The following FNIP1 variants were observed in gnomAD, a reference collection of about 807,000 sequenced individuals.
FNIP1 encodes folliculin interacting protein 1, also known as folliculin-interacting protein 1.
A neutral mutation model predicts 124.5 loss-of-function variants in FNIP1; 40 were observed. That is an observed-to-expected ratio of 0.32 (90% confidence interval 0.25 to 0.42). The LOEUF is 0.42. FNIP1 is among the 10% of genes least tolerant of loss of function. The probability of loss-of-function intolerance (pLI) is 1.00; values close to 1 mark genes in which losing one functional copy is unlikely to be tolerated. For missense variants in FNIP1, 1,176 were observed against 1,403.7 expected, an observed-to-expected ratio of 0.84 and a Z score of 2.59; for synonymous variants, 472 against 470.6, an observed-to-expected ratio of 1.00 and a Z score of -0.04.
intron 1 of FNIP1, among the ~76,000 whole-genome samples, chr5:131,778,499 G>A (rs1771885971): frequency 6.9e-6 from 1 of 145,036 alleles, no homozygotes; most frequent in African/African-American, 2.6e-5. Context: ...GGAAACAACA[G>A]GTGCTGGAGA....
chr5:131,702,637 A>G (rs1350552028), intron 10 of FNIP1, among the ~76,000 whole-genome samples: 2 of 152,132 alleles, frequency 1.3e-5, no homozygotes, highest in African/African-American at 2.4e-5. Context: ...CTTCTTCCCA[A>G]TAGGAAGTCA....
chr5:131,722,512 C>T (rs552104550), intron 3 of FNIP1, among the ~76,000 whole-genome samples: 1 of 152,280 alleles, frequency 6.6e-6, no homozygotes, highest in African/African-American at 2.4e-5. Context: ...TATACAGCTG[C>T]ACACTGTTTT....
rs1772636653 is a variant in FNIP1 at position 131,797,015 on chromosome 5, T to C, written c.-94A>G. On this transcript the variant is annotated 5_prime_UTR_variant, in exon 1 of 18. The change creates a new upstream start codon in the 5' untranslated region. Transcript: ENST00000510461. Reference sequence around the variant, plus strand: ...GCCACCCCCATGGGCGCCTCAGTCATATGACAGAAATTAGTCACTTCAAAC... The same window carrying C: ...GCCACCCCCATGGGCGCCTCAGTCACATGACAGAAATTAGTCACTTCAAAC... 3.4e-6 allele frequency: 4 copies of C among 1,191,454 alleles called. No individual in the cohort carries two copies. The highest frequency in any genetic ancestry group is 1.4e-5 in the South Asian group (1 of 71,872). 73.8% of individuals were successfully genotyped at this position (1,191,454 alleles called of 1,614,324 possible).
chr5:131,740,739 TG>T (rs1770485174), intron 2 of FNIP1, among the ~76,000 whole-genome samples: 1 of 152,196 alleles, frequency 6.6e-6, no homozygotes, highest in Non-Finnish European at 1.5e-5. Flanking sequence ...TCAGACCGAC[TG>T]GGCTGCATTC....
At chr5:131,671,458 G>T in intron 14 of FNIP1, 47 bp downstream of exon 14, 1 of 1,405,752 alleles carries the variant, frequency 7.1e-7, no homozygotes, top group Non-Finnish European at 9.7e-7. Flanking sequence ...AAAGAGAATG[G>T]TACATATTTA....
chr5:131,786,454 C>A (rs1389841594), intron 1 of FNIP1, among the ~76,000 whole-genome samples: 2 of 152,140 alleles, frequency 1.3e-5, no homozygotes, highest in Non-Finnish European at 2.9e-5. Context: ...AAGCAGTTTG[C>A]AAACACATGA....
At chr5:131,784,319 A>C (rs937590163) in intron 1 of FNIP1, among the ~76,000 whole-genome samples, 4 of 152,338 alleles carry the variant, frequency 2.6e-5, no homozygotes, top group African/African-American at 9.6e-5. Flanking sequence ...TCAAAAGGAA[A>C]GAAAACATAA....
At chr5:131,709,949 G>T (rs1327042033) in intron 7 of FNIP1, among the ~76,000 whole-genome samples, 1 of 152,172 alleles carries the variant, frequency 6.6e-6, no homozygotes, top group East Asian at 1.9e-4. Context: ...CCACTAAAAG[G>T]TTACAATGTT....
intron 6 of FNIP1, among the ~76,000 whole-genome samples, chr5:131,711,155 T>C (rs576636785): frequency 3.9e-5 from 6 of 152,286 alleles, no homozygotes; most frequent in Admixed American, 6.5e-5. Flanking sequence ...GAGATCTTAC[T>C]GACAAATTAA....
chr5:131,779,376 T>C (rs1771919855), intron 1 of FNIP1, among the ~76,000 whole-genome samples: 1 of 152,084 alleles, frequency 6.6e-6, no homozygotes, highest in African/African-American at 2.4e-5. Flanking sequence ...TTCAAGGATG[T>C]ATACATGAAA....
chr5:131,716,758 C>T (rs1322985430), intron 5 of FNIP1, 102 bp from the exon 6 acceptor site: 2 of 637,536 alleles, frequency 3.1e-6, no homozygotes, highest in Non-Finnish European at 5.2e-6. Flanking sequence ...ACAGTTTCTT[C>T]CTATTAGCAT....
At chr5:131,795,612 C>T (rs1436990223) in intron 1 of FNIP1, 1 of 152,150 alleles carries the variant, frequency 6.6e-6, no homozygotes, top group African/African-American at 2.4e-5. Flanking sequence ...GACAGATGAG[C>T]ATGACACATT....
chr5:131,793,473 A>T (rs1772476783), intron 1 of FNIP1, among the ~76,000 whole-genome samples: 1 of 152,230 alleles, frequency 6.6e-6, no homozygotes, highest in Non-Finnish European at 1.5e-5. Flanking sequence ...TGGAGAAAAC[A>T]AATTACTGTC....
At chr5:131,683,062 T>C (rs1040344393) in intron 11 of FNIP1, among the ~76,000 whole-genome samples, 1 of 152,242 alleles carries the variant, frequency 6.6e-6, no homozygotes, top group African/African-American at 2.4e-5. Context: ...TTCCTTCCTC[T>C]TCTCAACTGC....
intron 15 of FNIP1, among the ~76,000 whole-genome samples, chr5:131,659,670 C>T (rs1013182185): frequency 5.3e-5 from 8 of 152,140 alleles, no homozygotes; most frequent in African/African-American, 1.9e-4. Context: ...ATCACAATGC[C>T]AGTGGTACAG....
intron 1 of FNIP1, among the ~76,000 whole-genome samples, chr5:131,752,851 T>C (rs1770924822): frequency 6.6e-6 from 1 of 152,144 alleles, no homozygotes; most frequent in African/African-American, 2.4e-5. Context: ...GTGGGTCACC[T>C]GAGGTCAAGA....
At chr5:131,776,497 A>G (rs1771812014) in intron 1 of FNIP1, among the ~76,000 whole-genome samples, 1 of 152,244 alleles carries the variant, frequency 6.6e-6, no homozygotes, top group South Asian at 2.1e-4. Context: ...CTGAAAAACA[A>G]TACTCCATCA....
At chr5:131,716,883 GC>G (rs1769484297) in intron 5 of FNIP1, among the ~76,000 whole-genome samples, 1 of 152,000 alleles carries the variant, frequency 6.6e-6, no homozygotes, top group South Asian at 2.1e-4. Context: ...ACACAGCCAT[GC>G]CCATTCATTT....
intron 15 of FNIP1, among the ~76,000 whole-genome samples, chr5:131,664,719 T>G (rs1003410456): frequency 6.6e-6 from 1 of 150,638 alleles, no homozygotes; most frequent in African/African-American, 2.4e-5. Context: ...CCATATACAT[T>G]AAAAATAATG....
Sources: allele counts gnomAD v4.1 joint callset (sites outside exome capture counted in the v4.1 genomes callset), GRCh38; gene constraint gnomAD v4.1.1; transcripts MANE v1.5; gene names NCBI Gene and HGNC (gene_info 2026-07-23, HGNC 2026-07-21).